Variants in SYT10 observed in about 807,000 individuals in gnomAD.
The protein encoded by SYT10 is synaptotagmin-10.
A neutral mutation model predicts 51.1 loss-of-function variants in SYT10; 31 were observed. That is an observed-to-expected ratio of 0.61 (90% CI 0.46 to 0.82). The LOEUF (loss-of-function observed/expected upper bound fraction) is 0.82. Among genes scored for constraint, SYT10 ranks in the 40% least tolerant of loss-of-function variants. The probability of loss-of-function intolerance (pLI) is 0.00; values close to 1 mark genes in which losing one functional copy is unlikely to be tolerated. For missense variants in SYT10, 603 were observed against 634.0 expected, an observed-to-expected ratio of 0.95 and a Z score of 0.53; for synonymous variants, 233 against 225.9, an observed-to-expected ratio of 1.03 and a Z score of -0.28.
chr12:33,433,797 A>G (rs1442476929), intron 1 of SYT10, among the ~76,000 whole-genome samples: 1 of 152,174 alleles, frequency 6.6e-6, no homozygotes, highest in Admixed American at 6.5e-5. Context: ...AATAATATTA[A>G]CAGCTTATCT....
intron 1 of SYT10, among the ~76,000 whole-genome samples, chr12:33,431,917 C>G (rs868700587): frequency 1.1e-4 from 16 of 151,750 alleles, no homozygotes; most frequent in Non-Finnish European, 1.8e-4. Context: ...GCCTGTATAT[C>G]TTTTATGAAT....
chr12:33,380,639 G>C (rs1866106234), intron 5 of SYT10, among the ~76,000 whole-genome samples: 1 of 152,114 alleles, frequency 6.6e-6, no homozygotes, highest in African/African-American at 2.4e-5. Context: ...TAAATGTACT[G>C]ACCCAATTAA....
rs550614806 is a variant in SYT10 at position 33,391,126 on chromosome 12, G to A, written c.1078-5835C>T. On this transcript the variant is annotated intron_variant, in intron 3 of 6. Transcript: ENST00000228567. ...AAATTTTTGTATTTTTAGTAGAGACGGGGTTTCGCCATGTTGGCCAGACTG... is the reference window on the plus strand; with the variant it reads ...AAATTTTTGTATTTTTAGTAGAGACAGGGTTTCGCCATGTTGGCCAGACTG... Among the ~76,000 whole-genome samples, 42 of 152,164 alleles carry A rather than the reference G, an allele frequency of 2.8e-4. 1 individual carries two copies. The South Asian group carries it at 7.9e-3, about 29-fold the overall frequency.
intron 2 of SYT10, among the ~76,000 whole-genome samples, chr12:33,418,785 G>A (rs1426473512): frequency 1.3e-5 from 2 of 152,100 alleles, no homozygotes; most frequent in African/African-American, 2.4e-5. Flanking sequence ...CATCACCTCT[G>A]GCCTGGATTA....
intron 1 of SYT10, 42 bp downstream of exon 1, chr12:33,439,329 TC>T: frequency 6.3e-7 from 1 of 1,586,180 alleles, no homozygotes; most frequent in Non-Finnish European, 8.6e-7. Flanking sequence ...GCGCGCGGGG[TC>T]CCAGCGGAGC....
intron 3 of SYT10, among the ~76,000 whole-genome samples, chr12:33,404,625 T>G (rs1866335811): frequency 6.6e-6 from 1 of 152,116 alleles, no homozygotes; most frequent in African/African-American, 2.4e-5. Context: ...ACTCTTGACC[T>G]CGTGATCCAC....
intron 2 of SYT10, among the ~76,000 whole-genome samples, chr12:33,419,785 T>G (rs889932406): frequency 6.6e-6 from 1 of 152,208 alleles, no homozygotes; most frequent in Non-Finnish European, 1.5e-5. Context: ...AAAATACTTC[T>G]TCATAGCTTC....
intron 3 of SYT10, among the ~76,000 whole-genome samples, chr12:33,398,058 G>C (rs1314108384): frequency 6.6e-6 from 1 of 152,050 alleles, no homozygotes; most frequent in South Asian, 2.1e-4. Context: ...AGTGGAATAG[G>C]GTGTTCAGGA....
chr12:33,407,882 T>A (rs1866373286), intron 2 of SYT10: 1 of 152,302 alleles, frequency 6.6e-6, no homozygotes, highest in Non-Finnish European at 1.5e-5. Flanking sequence ...AGTGCCGAGA[T>A]AACACAAGTG....
Position 33,439,377 on chromosome 12 carries a change from C to T in SYT10, c.146G>A (p.Ser49Asn). The T allele has an allele frequency of 6.2e-7, 1 of 1,613,032 alleles. No individual in the cohort carries two copies. The highest frequency in any genetic ancestry group is 1.3e-5 in the African/African-American group (1 of 75,030). ...PRDRGSQGGSSTDISVSLLAV... is the reference protein window; with the variant it reads ...PRDRGSQGGSNTDISVSLLAV... ...AGCGGAGCCCTCCCGGTTACCTGTGCTGCTTCCGCCCTGGCTGCCCCTGTC... is the reference window on the plus strand; with the variant it reads ...AGCGGAGCCCTCCCGGTTACCTGTGTTGCTTCCGCCCTGGCTGCCCCTGTC... Residue 49 changes from serine (S) to asparagine (N), a missense_variant, in exon 1 of 7, where the codon AGC (serine) becomes AAC (asparagine). Ser to Asn is a conservative substitution (Grantham distance 46). Coordinates refer to ENST00000228567, the MANE Select transcript of SYT10 (RefSeq NM_198992.4).
At chr12:33,396,579 G>A (rs946586749) in intron 3 of SYT10, among the ~76,000 whole-genome samples, 1 of 152,056 alleles carries the variant, frequency 6.6e-6, no homozygotes, top group African/African-American at 2.4e-5. Flanking sequence ...TTAACACAGA[G>A]AGTTATTTTT....
intron 1 of SYT10, among the ~76,000 whole-genome samples, chr12:33,438,165 C>T (rs1466429942): frequency 6.6e-6 from 1 of 152,128 alleles, no homozygotes; most frequent in Non-Finnish European, 1.5e-5. Context: ...TAAGTGTGCC[C>T]CGCTTTGCTC....
chr12:33,415,711 T>A lies in SYT10; in HGVS notation c.510-8355A>T, dbSNP rs536211449. The stretch of plus-strand genomic sequence containing the variant: ...AAGAGGCTTGAATAGCAAGACGAAA[T>A]CAAGTTTCTGGTAAACAAAGTTTTT... On this transcript the variant is annotated intron_variant, in intron 2 of 6. Coordinates refer to ENST00000228567, the MANE Select transcript of SYT10 (RefSeq NM_198992.4). 2.6e-5 allele frequency among the ~76,000 whole-genome samples: 4 copies of A among 152,298 alleles called. No homozygotes were observed. The South Asian group carries it at 8.3e-4, about 32-fold the overall frequency.
intron 4 of SYT10, 125 bp downstream of exon 4, chr12:33,385,046 C>T: frequency 1.7e-6 from 2 of 1,159,720 alleles, no homozygotes; most frequent in Admixed American, 2.7e-5. Context: ...AATTTGTAAT[C>T]TTTTTTTTTC....
intron 5 of SYT10, among the ~76,000 whole-genome samples, chr12:33,381,017 T>C (rs749909111): frequency 1.3e-5 from 2 of 152,162 alleles, no homozygotes; most frequent in African/African-American, 4.8e-5. Context: ...TCTTCCTGTG[T>C]ATATCTTGTT....
At position 33,376,788 on chromosome 12, in the gene SYT10, G is replaced by C; in HGVS notation, c.*42C>G. 6.2e-7 allele frequency: 1 copy of C among 1,607,822 alleles called. No individual in the cohort carries two copies. Among genetic ancestry groups the C allele is most frequent in the South Asian group, 1.1e-5 (1 of 90,864 alleles). On this transcript the variant is annotated 3_prime_UTR_variant, in exon 7 of 7. Transcript: ENST00000228567. ...ACTTTTTTTCTGATTCAATGAGCAC[G>C]TGATCCTAGATGCTTAATATCATGG...
Position 33,421,429 on chromosome 12 carries a change from G to A in SYT10, c.509+4709C>T, listed in dbSNP as rs80276643. On this transcript the variant is annotated intron_variant, in intron 2 of 6. Coordinates refer to ENST00000228567, the MANE Select transcript of SYT10 (RefSeq NM_198992.4). ...TATTTTGCCAGTTACTATTCACCTC[G>A]TCTTTACGCCATTAATAAATTCAAA... 6.6e-3 allele frequency among the ~76,000 whole-genome samples: 1,007 copies of A among 152,090 alleles called. 10 individuals carry two copies. Among genetic ancestry groups the A allele is most frequent in the African/African-American group, 0.022 (925 of 41,484 alleles).
intron 2 of SYT10, among the ~76,000 whole-genome samples, chr12:33,425,230 G>T (rs1462904144): frequency 6.6e-6 from 1 of 152,022 alleles, no homozygotes; most frequent in Non-Finnish European, 1.5e-5. Flanking sequence ...CAATCAGTTT[G>T]CAGGAAATAG....
intron 2 of SYT10, among the ~76,000 whole-genome samples, chr12:33,420,564 A>T (rs1219254647): frequency 6.6e-6 from 1 of 152,066 alleles, no homozygotes; most frequent in Admixed American, 6.6e-5. Flanking sequence ...AGGCAGGAGG[A>T]TTGCTTGAAC....
Sources: allele counts gnomAD v4.1 joint callset (sites outside exome capture counted in the v4.1 genomes callset), GRCh38; gene constraint gnomAD v4.1.1; transcripts MANE v1.5; gene names NCBI Gene and HGNC (gene_info 2026-07-23, HGNC 2026-07-21).